The following C5orf34 variants were observed in gnomAD, a reference collection of about 807,000 sequenced individuals.
C5orf34 encodes uncharacterized protein C5orf34.
A neutral mutation model predicts 78.4 loss-of-function variants in C5orf34; 73 were observed. That is an observed-to-expected ratio of 0.93 (90% CI 0.77 to 1.13). C5orf34 has a LOEUF of 1.13. Among genes scored for constraint, C5orf34 ranks in the 50% most tolerant of loss-of-function variants. The probability of loss-of-function intolerance (pLI) is 0.00; values close to 1 mark genes in which losing one functional copy is unlikely to be tolerated. For synonymous variants in C5orf34, 251 were observed against 246.6 expected, an observed-to-expected ratio of 1.02 and a Z score of -0.17; for missense variants, 730 against 732.7, an observed-to-expected ratio of 1.00 and a Z score of 0.04.
intron 11 of C5orf34, among the ~76,000 whole-genome samples, chr5:43,488,724 G>A (rs144292317): frequency 2.4e-3 from 363 of 152,126 alleles, no homozygotes; most frequent in African/African-American, 7.8e-3. Flanking sequence ...TAATATATAC[G>A]TCTCCAGCAG....
rs532805803 is a variant in C5orf34, at chr5:43,506,758, C to T, written c.286-364G>A. 2.6e-5 allele frequency among the ~76,000 whole-genome samples: 4 copies of T among 151,686 alleles called. No homozygotes were observed. In the East Asian group the frequency reaches 7.7e-4, roughly 29 times the overall value. Reference sequence around the variant, plus strand: ...AAAAAAAACTAGAAATAAGGGAAGACCAACACTATGATACATTATATTAAA... The same window carrying T: ...AAAAAAAACTAGAAATAAGGGAAGATCAACACTATGATACATTATATTAAA... On this transcript the variant is annotated intron_variant, in intron 3 of 12. Transcript: ENST00000306862.
intron 6 of C5orf34, chr5:43,496,552 T>C: frequency 1.1e-6 from 1 of 933,456 alleles, no homozygotes; most frequent in Non-Finnish European, 1.5e-6. Context: ...AAATATAGAA[T>C]TACTCCTATT....
chr5:43,499,483 A>G (rs1371953792), intron 6 of C5orf34, among the ~76,000 whole-genome samples: 1 of 152,122 alleles, frequency 6.6e-6, no homozygotes, highest in African/African-American at 2.4e-5. Context: ...TCAATTTTTA[A>G]TTATACAATA....
Position 43,486,814 on chromosome 5 carries a change from C to T in C5orf34, c.*101G>A, listed in dbSNP as rs538642655. 1.1e-4 allele frequency: 55 copies of T among 518,092 alleles called. No homozygotes were observed. The highest frequency in any genetic ancestry group is 7.5e-4 in the African/African-American group (38 of 50,638). The allele number at this position is 518,092 out of a possible 1,614,324, so 32.1% of individuals were successfully genotyped here. On this transcript the variant is annotated 3_prime_UTR_variant, in exon 13 of 13. Transcript: ENST00000306862. The stretch of plus-strand genomic sequence containing the variant: ...GTCAGTTCTTTCACAATCATTGTGC[C>T]GGGGTAATACGTACAATATCTTGGC...
chr5:43,503,937 GT>G (rs374443070), intron 4 of C5orf34, among the ~76,000 whole-genome samples, 177 bp from the exon 5 acceptor site: 12 of 152,046 alleles, frequency 7.9e-5, no homozygotes, highest in African/African-American at 2.9e-4. Context: ...CTTTTTCCAT[GT>G]TTTTTTCACT....
In C5orf34 at chr5:43,509,303, C is replaced by A. The variant is rs544454595; in HGVS notation, c.37G>T (p.Asp13Tyr). Reference sequence around the variant, plus strand: ...TCAACATATTGTACTTGTACTGAATCATCTTCATAAAGTATCATTCGCAGT... The same window carrying A: ...TCAACATATTGTACTTGTACTGAATAATCTTCATAAAGTATCATTCGCAGT... ...AELRMILYED[D>Y]SVQVQYVDGS... The change falls in exon 2 of 13, where the codon GAT becomes TAT. Residue 13 changes from aspartate (D) to tyrosine (Y), a missense_variant. Asp to Tyr is a radical substitution (Grantham distance 160). Coordinates refer to ENST00000306862, the MANE Select transcript of C5orf34 (RefSeq NM_198566.4). The A allele has an allele frequency of 1.2e-6, 2 of 1,613,226 alleles. No homozygotes were observed. The highest frequency in any genetic ancestry group is 1.7e-6 in the Non-Finnish European group (2 of 1,179,652).
chr5:43,495,148 G>C (rs1300886805), intron 6 of C5orf34: 1 of 1,606,296 alleles, frequency 6.2e-7, no homozygotes, highest in Non-Finnish European at 8.5e-7. Flanking sequence ...CCACTGCTTT[G>C]ATGACACCCA....
chr5:43,507,146 A>C (rs1746016931), intron 3 of C5orf34, among the ~76,000 whole-genome samples: 2 of 152,222 alleles, frequency 1.3e-5, no homozygotes, highest in Admixed American at 1.3e-4. Context: ...AAAAAAGTTT[A>C]ATTACTCAAA....
chr5:43,490,772 G>A, intron 10 of C5orf34, 43 bp from the exon 11 acceptor site: 1 of 932,812 alleles, frequency 1.1e-6, no homozygotes, highest in Non-Finnish European at 1.7e-6. Context: ...AAATGAACTT[G>A]AATACATTAT....
intron 8 of C5orf34, among the ~76,000 whole-genome samples, chr5:43,493,295 C>G (rs1745361329): frequency 6.6e-6 from 1 of 151,666 alleles, no homozygotes; most frequent in Admixed American, 6.6e-5. Context: ...TTACATACTT[C>G]AAATCCAATC....
intron 11 of C5orf34, among the ~76,000 whole-genome samples, chr5:43,489,507 G>C (rs1002088130): frequency 2.0e-5 from 3 of 152,026 alleles, no homozygotes; most frequent in Non-Finnish European, 2.9e-5. Context: ...AAATAAAAAG[G>C]CTGATGATAT....
intron 7 of C5orf34, 117 bp from the exon 8 acceptor site, chr5:43,493,729 G>A (rs190126640): frequency 7.5e-5 from 45 of 599,868 alleles, no homozygotes; most frequent in Non-Finnish European, 1.1e-4. Flanking sequence ...TCACTGAAAT[G>A]TGTTGGGAAC....
chr5:43,492,204 C>CT lies in C5orf34; in HGVS notation c.1580+10dup. ...AACATAAAAATAATTTTTAAAATTGCTTTTCAGTACCTTTCATATGGTTCA... is the reference window on the plus strand; with the variant it reads ...AACATAAAAATAATTTTTAAAATTGCTTTTTCAGTACCTTTCATATGGTTCA... On this transcript the variant is annotated intron_variant, in intron 10 of 12. Transcript: ENST00000306862. 6.4e-7 allele frequency: 1 copy of CT among 1,563,468 alleles called. No individual in the cohort carries two copies. The highest frequency in any genetic ancestry group is 1.2e-5 in the South Asian group (1 of 83,774).
intron 6 of C5orf34, among the ~76,000 whole-genome samples, chr5:43,497,280 A>G (rs1745572291): frequency 6.6e-6 from 1 of 152,234 alleles, no homozygotes; most frequent in Non-Finnish European, 1.5e-5. Context: ...CTGTGTTCAC[A>G]TTAAATATCA....
chr5:43,505,960 C>T lies in C5orf34; in HGVS notation c.720G>A (p.Gln240=), dbSNP rs770680112. The T allele has an allele frequency of 2.1e-5, 34 of 1,614,088 alleles. No homozygotes were observed. The South Asian group carries it at 3.5e-4, about 17-fold the overall frequency. The change falls in exon 4 of 13, where the codon CAG becomes CAA. Residue 240 remains glutamine (Q), a synonymous_variant. Transcript: ENST00000306862. ...CTGGACAGGCAGCCACAGACCAGCA[C>T]TGCTTGACCCATGTGTATACACATG... ...KHTCVYTWVK[Q]CWSVAACPEE...
intron 6 of C5orf34, among the ~76,000 whole-genome samples, chr5:43,498,427 G>A (rs1015851003): frequency 1.1e-4 from 17 of 151,946 alleles, no homozygotes; most frequent in African/African-American, 3.9e-4. Context: ...AGATATAGTT[G>A]AATTTTAATA....
At chr5:43,511,964 C>T (rs1339775419) in intron 1 of C5orf34, among the ~76,000 whole-genome samples, 2 of 151,274 alleles carry the variant, frequency 1.3e-5, no homozygotes, top group African/African-American at 4.9e-5. Context: ...GACCTTCCCT[C>T]CACTATTGTC....
At chr5:43,511,574 T>G (rs1304463783) in intron 1 of C5orf34, among the ~76,000 whole-genome samples, 1 of 152,118 alleles carries the variant, frequency 6.6e-6, no homozygotes, top group Non-Finnish European at 1.5e-5. Flanking sequence ...CGATGGCGGT[T>G]TTGTCAAATA....
intron 6 of C5orf34, chr5:43,496,355 T>C: frequency 1.3e-6 from 2 of 1,590,904 alleles, no homozygotes; most frequent in Admixed American, 1.7e-5. Context: ...CTTTTGTCGA[T>C]GCCACCACAT....
Sources: gnomAD v4.1 joint callset for allele counts (sites outside exome capture counted in the v4.1 genomes callset) on GRCh38, gnomAD v4.1.1 for gene constraint, MANE v1.5 for transcripts, NCBI Gene and HGNC (gene_info 2026-07-23, HGNC 2026-07-21) for gene names.